LRRC74A: variants seen among roughly 807,000 people sequenced by gnomAD.
The protein encoded by LRRC74A is leucine rich repeat containing 74A.
Under a neutral mutation model 57.9 loss-of-function variants are expected in LRRC74A, and 44 were observed. The observed-to-expected ratio is 0.76, with a 90% CI of 0.60 to 0.98. The LOEUF is 0.98. LRRC74A is among the 50% of genes least tolerant of loss of function. The pLI is 0.00. For synonymous variants in LRRC74A, 211 were observed against 219.4 expected, an observed-to-expected ratio of 0.96 and a Z score of 0.34; for missense variants, 572 against 574.0, an observed-to-expected ratio of 1.00 and a Z score of 0.04.
At chr14:76,857,642 T>TC (rs141836683) in intron 10 of LRRC74A, among the ~76,000 whole-genome samples, 167 bp downstream of exon 10, 6,782 of 152,260 alleles carry the variant, frequency 0.045, 330 homozygotes, top group East Asian at 0.11. Flanking sequence ...TCTCCAGGGA[T>TC]CCTTTTAGGA....
At chr14:76,868,217 C>G (rs1899108491) in intron 13 of LRRC74A, among the ~76,000 whole-genome samples, 1 of 152,188 alleles carries the variant, frequency 6.6e-6, no homozygotes, top group African/African-American at 2.4e-5. Context: ...AATCCCAGCA[C>G]TTTGGGAGGC....
At chr14:76,865,508 G>A (rs11627937) in intron 11 of LRRC74A, among the ~76,000 whole-genome samples, 13,057 of 152,304 alleles carry the variant, frequency 0.086, 648 homozygotes, top group Non-Finnish European at 0.099. Context: ...GAGCCAAACT[G>A]TCACATTATA....
At chr14:76,842,106 TTTATC>T (rs1487640447) in intron 5 of LRRC74A, among the ~76,000 whole-genome samples, 1 of 152,198 alleles carries the variant, frequency 6.6e-6, no homozygotes, top group Non-Finnish European at 1.5e-5. Context: ...CTTCTATTAT[TTTATC>T]TTATGTGAAC....
Position 76,857,372 on chromosome 14 carries a change from C to T in LRRC74A, c.958-8C>T, listed in dbSNP as rs1454153512. 3 of 1,557,572 alleles carry T rather than the reference C, an allele frequency of 1.9e-6. No individual in the cohort carries two copies. The highest frequency in any genetic ancestry group is 2.7e-5 in the African/African-American group (2 of 73,846). ...CAGCCTCCTCTTGTCTTGATTCTCCCTCTATAGCTTTTCCTGAATCCCATA... is the reference window on the plus strand; with the variant it reads ...CAGCCTCCTCTTGTCTTGATTCTCCTTCTATAGCTTTTCCTGAATCCCATA... On this transcript the variant is annotated splice_polypyrimidine_tract_variant and splice_region_variant and intron_variant, in intron 9 of 13. Transcript: ENST00000689127.
At chr14:76,862,248 T>C (rs956248367) in intron 11 of LRRC74A, among the ~76,000 whole-genome samples, 7 of 152,192 alleles carry the variant, frequency 4.6e-5, no homozygotes, top group Admixed American at 4.6e-4. Context: ...AAGTTTCATA[T>C]GGCCAGGCAC....
intron 3 of LRRC74A, among the ~76,000 whole-genome samples, chr14:76,832,940 A>G (rs879881111): frequency 2.0e-5 from 3 of 152,226 alleles, no homozygotes; most frequent in Admixed American, 2.0e-4. Flanking sequence ...CTCATGACCA[A>G]TGCTGTGTGT....
At chr14:76,835,220 C>T (rs1033239748) in intron 3 of LRRC74A, among the ~76,000 whole-genome samples, 4 of 152,116 alleles carry the variant, frequency 2.6e-5, no homozygotes, top group Non-Finnish European at 5.9e-5. Context: ...TAGTGGCTCA[C>T]GCCTGTAATC....
chr14:76,834,925 A>G (rs760818129), intron 3 of LRRC74A, among the ~76,000 whole-genome samples: 14 of 152,186 alleles, frequency 9.2e-5, no homozygotes, highest in Non-Finnish European at 1.9e-4. Context: ...CCCAGGGTGA[A>G]CCATCCTGCA....
At chr14:76,855,184 C>T (rs897473720) in intron 9 of LRRC74A, among the ~76,000 whole-genome samples, 1 of 152,178 alleles carries the variant, frequency 6.6e-6, no homozygotes, top group Non-Finnish European at 1.5e-5. Context: ...AGAAGGAGCA[C>T]AGTGACTACA....
chr14:76,849,740 T>C (rs1220318148), intron 7 of LRRC74A, among the ~76,000 whole-genome samples: 1 of 148,900 alleles, frequency 6.7e-6, no homozygotes, highest in Non-Finnish European at 1.5e-5. Context: ...GAGGCAGAGG[T>C]TGCAGTGAGC....
intron 5 of LRRC74A, among the ~76,000 whole-genome samples, chr14:76,841,196 C>T (rs1896743639): frequency 6.6e-6 from 1 of 152,124 alleles, no homozygotes; most frequent in Non-Finnish European, 1.5e-5. Flanking sequence ...CGCCTGCTGC[C>T]ATGCCCAGCT....
chr14:76,836,501 C>G lies in LRRC74A; in HGVS notation c.447+187C>G, dbSNP rs570841707. Among the ~76,000 whole-genome samples the G allele has an allele frequency of 5.3e-5, 8 of 152,270 alleles. No homozygotes were observed. The East Asian group carries it at 1.5e-3, about 29-fold the overall frequency. On this transcript the variant is annotated intron_variant, in intron 4 of 13. Coordinates refer to ENST00000689127, the MANE Select transcript of LRRC74A (RefSeq NM_001385106.1). The stretch of plus-strand genomic sequence containing the variant: ...TGTGTTTCCTATGGCTGTAGGAAAA[C>G]CTAAGAAACAATTTATGGCTGGGCG...
intron 10 of LRRC74A, among the ~76,000 whole-genome samples, chr14:76,860,484 A>G (rs1382837654): frequency 1.3e-5 from 2 of 152,206 alleles, no homozygotes; most frequent in African/African-American, 2.4e-5. Flanking sequence ...CAACAAAAAC[A>G]TCCCATCAAA....
At chr14:76,844,611 C>A in intron 6 of LRRC74A, 139 bp downstream of exon 6, 1 of 875,316 alleles carries the variant, frequency 1.1e-6, no homozygotes, top group South Asian at 1.6e-5. Context: ...CCTGCCAACC[C>A]CAACAAAGGC....
At chr14:76,853,483 G>T in intron 9 of LRRC74A, 73 bp downstream of exon 9, 1 of 1,328,484 alleles carries the variant, frequency 7.5e-7, no homozygotes, top group Non-Finnish European at 1.0e-6. Flanking sequence ...GTTGGGATAA[G>T]TTGGGGGCTG....
chr14:76,831,451 G>T lies in LRRC74A; in HGVS notation c.339+76G>T, dbSNP rs1017941859. 3 of 1,520,424 alleles carry T rather than the reference G, an allele frequency of 2.0e-6. No individual in the cohort carries two copies. In the Admixed American group the frequency reaches 5.1e-5, roughly 26 times the overall value. The allele number at this position is 1,520,424 out of a possible 1,614,324, so 94.2% of individuals were successfully genotyped here. A position where few individuals can be genotyped will look rare whatever the true frequency, so the allele number is the denominator to read the frequency against. ...CAGAGTGGTAGGCCCAAGATTCAGAGGGCCCCTCCTATGGAGCCTAAACCC... is the reference window on the plus strand; with the variant it reads ...CAGAGTGGTAGGCCCAAGATTCAGATGGCCCCTCCTATGGAGCCTAAACCC... On this transcript the variant is annotated intron_variant, in intron 3 of 13. Transcript: ENST00000689127.
At chr14:76,869,743 CAGA>C (rs1899285152) in intron 13 of LRRC74A, among the ~76,000 whole-genome samples, 3 of 136,720 alleles carry the variant, frequency 2.2e-5, no homozygotes, top group Non-Finnish European at 4.6e-5. Context: ...GCCTGGGTGA[CAGA>C]GTAAGACTCC....
intron 3 of LRRC74A, among the ~76,000 whole-genome samples, chr14:76,833,711 G>A (rs1896128428): frequency 6.6e-6 from 1 of 152,034 alleles, no homozygotes; most frequent in African/African-American, 2.4e-5. Context: ...TCAAAGTGCT[G>A]GGATTACAGG....
Position 76,826,653 on chromosome 14 carries a change from AG to A in LRRC74A, c.-43del, listed in dbSNP as rs759982374. 14 of 1,601,494 alleles carry A rather than the reference AG, an allele frequency of 8.7e-6. No homozygotes were observed. The African/African-American group carries it at 1.7e-4, about 20-fold the overall frequency. ...TGTGCTTCTTAGGGAAGCAGTCGAG[AG>A]GTGGCAAGAAGTTGGCAGCTGCCCT... On this transcript the variant is annotated 5_prime_UTR_variant, in exon 1 of 14. Coordinates refer to ENST00000689127, the MANE Select transcript of LRRC74A (RefSeq NM_001385106.1).
Sources: gnomAD v4.1 joint callset for allele counts (sites outside exome capture counted in the v4.1 genomes callset) on GRCh38, gnomAD v4.1.1 for gene constraint, MANE v1.5 for transcripts, NCBI Gene and HGNC (gene_info 2026-07-23, HGNC 2026-07-21) for gene names.